The following KALRN variants were observed in gnomAD, a reference collection of about 807,000 sequenced individuals.
KALRN encodes the protein kalirin RhoGEF kinase, also known as kalirin.
Under a neutral mutation model 353.7 loss-of-function variants are expected in KALRN, and 70 were observed. The observed-to-expected ratio is 0.20, with a 90% CI of 0.16 to 0.24. The LOEUF is 0.24. Ranked by LOEUF, KALRN falls within the 10% of genes least tolerant of loss-of-function variation. The pLI is 1.00. For synonymous variants in KALRN, 1,391 were observed against 1,434.8 expected, an observed-to-expected ratio of 0.97 and a Z score of 0.69; for missense variants, 2,791 against 3,756.7, an observed-to-expected ratio of 0.74 and a Z score of 6.72.
At chr3:124,383,313 T>C (rs985686998) in intron 10 of KALRN, among the ~76,000 whole-genome samples, 2 of 152,198 alleles carry the variant, frequency 1.3e-5, no homozygotes, top group African/African-American at 4.8e-5. Flanking sequence ...CCTGGGGCTG[T>C]TGTAACAAAG....
chr3:124,571,499 A>G (rs150678139), intron 34 of KALRN, among the ~76,000 whole-genome samples: 1 of 152,286 alleles, frequency 6.6e-6, no homozygotes, highest in Non-Finnish European at 1.5e-5. Context: ...TTTCCTGGTT[A>G]TTCCCTACAG....
chr3:124,269,404 C>T (rs2073914211), intron 5 of KALRN, 149 bp downstream of exon 5: 5 of 779,288 alleles, frequency 6.4e-6, no homozygotes, highest in Admixed American at 2.9e-5. Context: ...TTTTTAAGCT[C>T]ACCCTTATAT....
chr3:124,678,224 A>C lies in KALRN; in HGVS notation c.7228A>C (p.Lys2410Gln), dbSNP rs760299802. 1.2e-6 allele frequency: 2 copies of C among 1,614,078 alleles called. No individual in the cohort carries two copies. The highest frequency in any genetic ancestry group is 1.7e-6 in the Non-Finnish European group (2 of 1,179,950). The change falls in exon 50 of 60, where the codon AAG (lysine) becomes CAG (glutamine). Residue 2410 changes from lysine to glutamine, a missense_variant. Coordinates refer to ENST00000682506, the MANE Select transcript of KALRN (RefSeq NM_001388419.1). Reference protein sequence around the residue: ...SCSWHTLRMRKRAEVENTGKN... With the variant: ...SCSWHTLRMRQRAEVENTGKN... ...TTCATGGCATACTCTACGCATGAGA[A>C]AGCGGGCGGAAGTGGAGAACACGGG...
intron 1 of KALRN, among the ~76,000 whole-genome samples, chr3:124,157,112 A>G (rs1339869575): frequency 6.6e-6 from 1 of 152,220 alleles, no homozygotes; most frequent in African/African-American, 2.4e-5. Flanking sequence ...TGACTACATA[A>G]TATTGTGAGA....
At chr3:124,637,100 T>G in intron 36 of KALRN, 108 bp from the exon 37 acceptor site, 1 of 894,998 alleles carries the variant, frequency 1.1e-6, no homozygotes, top group Non-Finnish European at 1.9e-6. Context: ...AACACAGAAC[T>G]TTGCTTCCCT....
At chr3:124,075,158 G>A (rs2060202002) in intron 1 of KALRN, among the ~76,000 whole-genome samples, 1 of 152,154 alleles carries the variant, frequency 6.6e-6, no homozygotes, top group Non-Finnish European at 1.5e-5. Context: ...TCATATGAAT[G>A]GAGGCTACAT....
At chr3:124,456,070 A>G (rs576680532) in intron 22 of KALRN, among the ~76,000 whole-genome samples, 44 of 152,242 alleles carry the variant, frequency 2.9e-4, no homozygotes, top group Non-Finnish European at 5.9e-4. Context: ...GTTCCATCAT[A>G]TATAAATACC....
intron 34 of KALRN, among the ~76,000 whole-genome samples, chr3:124,579,667 C>T (rs1456834012): frequency 6.6e-6 from 1 of 152,164 alleles, no homozygotes; most frequent in Non-Finnish European, 1.5e-5. Context: ...TCTCTCTCAT[C>T]TTTTCCCTGT....
At chr3:124,155,138 C>T (rs934516148) in intron 1 of KALRN, among the ~76,000 whole-genome samples, 2 of 152,090 alleles carry the variant, frequency 1.3e-5, no homozygotes, top group South Asian at 2.1e-4. Flanking sequence ...AAACCTTGGA[C>T]CTAAAACCAT....
intron 1 of KALRN, among the ~76,000 whole-genome samples, chr3:124,092,635 A>T (rs903699170): frequency 2.0e-5 from 3 of 152,216 alleles, no homozygotes; most frequent in Non-Finnish European, 4.4e-5. Flanking sequence ...CCCGTATCTC[A>T]GTGAAACGTG....
intron 34 of KALRN, among the ~76,000 whole-genome samples, chr3:124,579,652 A>G (rs1348868001): frequency 6.6e-6 from 1 of 151,916 alleles, no homozygotes; most frequent in Non-Finnish European, 1.5e-5. Context: ...TGGGAAACCT[A>G]CCTCTCTCTC....
At chr3:124,231,512 G>A (rs780679516) in intron 2 of KALRN, among the ~76,000 whole-genome samples, 8 of 151,982 alleles carry the variant, frequency 5.3e-5, no homozygotes, top group Non-Finnish European at 7.4e-5. Context: ...ACAATCTTTC[G>A]TACCCTGGAC....
chr3:124,204,602 A>C (rs1422136500), intron 1 of KALRN, among the ~76,000 whole-genome samples: 6 of 123,756 alleles, frequency 4.8e-5, no homozygotes, highest in Non-Finnish European at 9.2e-5. Context: ...GATCAAAGAA[A>C]AAAATTCCAG....
chr3:124,492,573 A>C (rs918486246), intron 31 of KALRN, among the ~76,000 whole-genome samples, 167 bp from the exon 32 acceptor site: 1 of 152,210 alleles, frequency 6.6e-6, no homozygotes, highest in Non-Finnish European at 1.5e-5. Flanking sequence ...GAGTTGGAGA[A>C]GCCTGTTTCT....
chr3:124,140,405 C>CATTTATAGGGCTGCATA (rs2066475333), intron 1 of KALRN, among the ~76,000 whole-genome samples: 5 of 152,212 alleles, frequency 3.3e-5, no homozygotes, highest in Admixed American at 6.5e-5. Flanking sequence ...TTTTAGGGGC[C>CATTTATAGGGCTGCATA]ATGAGCTGCA....
intron 1 of KALRN, among the ~76,000 whole-genome samples, chr3:124,071,648 C>G (rs964984479): frequency 2.6e-5 from 4 of 152,198 alleles, no homozygotes; most frequent in Non-Finnish European, 4.4e-5. Flanking sequence ...AAGATGGCAC[C>G]TTGAATACTG....
intron 1 of KALRN, among the ~76,000 whole-genome samples, chr3:124,207,266 T>C (rs1481714685): frequency 3.3e-5 from 5 of 152,084 alleles, no homozygotes; most frequent in Non-Finnish European, 7.4e-5. Context: ...CTTCCCTCCT[T>C]CCCCTGCCAG....
chr3:124,234,607 T>G (rs2079537148), intron 2 of KALRN, among the ~76,000 whole-genome samples: 1 of 152,222 alleles, frequency 6.6e-6, no homozygotes, highest in South Asian at 2.1e-4. Flanking sequence ...TGTTTTCATC[T>G]GCCTTCTACA....
intron 1 of KALRN, chr3:124,163,916 C>T: frequency 2.0e-6 from 2 of 985,422 alleles, no homozygotes; most frequent in Non-Finnish European, 1.2e-6. Context: ...CTGTCCCCTG[C>T]TGAGGGCTGT....
Sources: gnomAD v4.1 joint callset for allele counts (sites outside exome capture counted in the v4.1 genomes callset) on GRCh38, gnomAD v4.1.1 for gene constraint, MANE v1.5 for transcripts, NCBI Gene and HGNC (gene_info 2026-07-23, HGNC 2026-07-21) for gene names.